DPP10: variants seen among roughly 807,000 people sequenced by gnomAD.
DPP10 encodes dipeptidyl peptidase like 10, also known as inactive dipeptidyl peptidase 10.
A neutral mutation model predicts 120.9 loss-of-function variants in DPP10; 33 were observed. The observed-to-expected ratio is 0.27, with a 90% CI of 0.21 to 0.37. DPP10 has a LOEUF of 0.37. Ranked by LOEUF, DPP10 falls within the 10% of genes least tolerant of loss-of-function variation. The pLI, the probability that DPP10 is intolerant of heterozygous loss-of-function variation, is 1.00. For missense variants in DPP10, 816 were observed against 942.8 expected (o/e 0.87, Z 1.76); for synonymous variants, 337 against 326.1 (o/e 1.03, Z -0.36).
intron 8 of DPP10, among the ~76,000 whole-genome samples, chr2:115,729,981 AC>A (rs1445591997): frequency 1.3e-5 from 2 of 152,192 alleles, no homozygotes; most frequent in African/African-American, 4.8e-5. Context: ...AAAATTTGAG[AC>A]AAAGGAAGGT....
At chr2:115,252,171 A>G (rs890067439) in intron 1 of DPP10, among the ~76,000 whole-genome samples, 16 of 152,190 alleles carry the variant, frequency 1.1e-4, no homozygotes, top group Non-Finnish European at 1.9e-4. Flanking sequence ...TTTTCTGAAA[A>G]TATACTTAGA....
intron 3 of DPP10, among the ~76,000 whole-genome samples, chr2:115,444,085 T>C (rs899322336): frequency 2.6e-5 from 4 of 152,110 alleles, no homozygotes. Flanking sequence ...TCTTATCCTA[T>C]AGTGTGTGGT....
chr2:115,327,910 G>T (rs765786953), intron 2 of DPP10, among the ~76,000 whole-genome samples: 4 of 151,992 alleles, frequency 2.6e-5, no homozygotes, highest in Non-Finnish European at 4.4e-5. Flanking sequence ...TTATGAAAGG[G>T]TGCCTGGAGT....
At chr2:115,153,161 C>T (rs1649626109) in intron 1 of DPP10, among the ~76,000 whole-genome samples, 1 of 152,096 alleles carries the variant, frequency 6.6e-6, no homozygotes, top group Non-Finnish European at 1.5e-5. Context: ...AATGCTTGTC[C>T]TTTGCTCCAG....
At chr2:115,411,303 G>T (rs781401709) in intron 3 of DPP10, among the ~76,000 whole-genome samples, 1 of 152,090 alleles carries the variant, frequency 6.6e-6, no homozygotes, top group African/African-American at 2.4e-5. Context: ...CTGCACTTCA[G>T]TCTGGGCAAC....
At chr2:114,742,126 C>A (rs977292135) in intron 1 of DPP10, among the ~76,000 whole-genome samples, 15 of 152,128 alleles carry the variant, frequency 9.9e-5, no homozygotes, top group Non-Finnish European at 2.1e-4. Context: ...AATACTTACA[C>A]AAAAAGTCAA....
chr2:115,779,796 A>T (rs11886262), intron 15 of DPP10, among the ~76,000 whole-genome samples: 69,050 of 151,572 alleles, frequency 0.46, 17,668 homozygotes, highest in East Asian at 0.67. Flanking sequence ...ATGAAAAAAA[A>T]TGGCTATGGA....
chr2:114,529,922 A>G (rs1041865916), intron 1 of DPP10, among the ~76,000 whole-genome samples: 1 of 152,034 alleles, frequency 6.6e-6, no homozygotes, highest in Non-Finnish European at 1.5e-5. Context: ...GCTCCCACTT[A>G]CAAGTGAGAA....
intron 1 of DPP10, among the ~76,000 whole-genome samples, chr2:114,769,838 A>G (rs1681091594): frequency 6.6e-6 from 1 of 152,172 alleles, no homozygotes; most frequent in Admixed American, 6.5e-5. Flanking sequence ...TCAAGTTTAT[A>G]CCCAAAGACA....
intron 1 of DPP10, among the ~76,000 whole-genome samples, chr2:114,497,336 T>C (rs1455060959): frequency 7.2e-4 from 19 of 26,486 alleles, no homozygotes; most frequent in African/African-American, 1.8e-3. Flanking sequence ...TGTATACATG[T>C]ACATATACAT....
chr2:114,888,627 T>C (rs1014077553), intron 1 of DPP10, among the ~76,000 whole-genome samples: 1 of 152,216 alleles, frequency 6.6e-6, no homozygotes, highest in African/African-American at 2.4e-5. Context: ...GGGTTAAAGA[T>C]GGAACTCAAA....
At chr2:115,790,912 C>G (rs1276508410) in intron 17 of DPP10, among the ~76,000 whole-genome samples, 169 bp from the exon 18 acceptor site, 1 of 152,052 alleles carries the variant, frequency 6.6e-6, no homozygotes, top group Admixed American at 6.6e-5. Context: ...TTTTACTGGC[C>G]TAATGAAGCT....
intron 1 of DPP10, among the ~76,000 whole-genome samples, chr2:115,253,234 G>C (rs1371668077): frequency 6.6e-6 from 1 of 152,144 alleles, no homozygotes; most frequent in African/African-American, 2.4e-5. Context: ...ACCAAACCAT[G>C]AGGGAGCCTT....
intron 1 of DPP10, among the ~76,000 whole-genome samples, chr2:114,736,428 T>A (rs1255187700): frequency 6.6e-6 from 1 of 152,188 alleles, no homozygotes; most frequent in Non-Finnish European, 1.5e-5. Flanking sequence ...AATGGATGGA[T>A]TTACATGCAT....
At chr2:115,459,938 T>TATATATATACACACAC (rs66927327) in intron 3 of DPP10, among the ~76,000 whole-genome samples, 9 of 128,502 alleles carry the variant, frequency 7.0e-5, no homozygotes, top group South Asian at 2.7e-4. Flanking sequence ...TATATATATA[T>TATATATATACACACAC]ACACACACAC....
intron 1 of DPP10, among the ~76,000 whole-genome samples, chr2:115,270,146 A>T (rs1211896160): frequency 6.6e-6 from 1 of 151,684 alleles, no homozygotes; most frequent in East Asian, 1.9e-4. Flanking sequence ...TTATGCTGGC[A>T]GACTGACAGT....
intron 3 of DPP10, among the ~76,000 whole-genome samples, chr2:115,424,655 A>G (rs1309174046): frequency 6.6e-6 from 1 of 152,080 alleles, no homozygotes; most frequent in Admixed American, 6.6e-5. Context: ...TATATAGATA[A>G]GGATAAATAT....
At chr2:115,365,623 T>C (rs2106372588) in intron 3 of DPP10, among the ~76,000 whole-genome samples, 1 of 152,196 alleles carries the variant, frequency 6.6e-6, no homozygotes, top group African/African-American at 2.4e-5. Context: ...CAATTAATTC[T>C]GGAAAGTCAA....
At chr2:114,874,162 C>T (rs566378335) in intron 1 of DPP10, among the ~76,000 whole-genome samples, 1 of 152,116 alleles carries the variant, frequency 6.6e-6, no homozygotes, top group Non-Finnish European at 1.5e-5. Flanking sequence ...CCTAATTCAG[C>T]TTACAAAAGA....
Sources: allele counts gnomAD v4.1 joint callset (sites outside exome capture counted in the v4.1 genomes callset), GRCh38; gene constraint gnomAD v4.1.1; transcripts MANE v1.5; gene names NCBI Gene and HGNC (gene_info 2026-07-23, HGNC 2026-07-21).